The following POU6F2 variants were observed in gnomAD, a reference collection of about 807,000 sequenced individuals.
POU6F2 encodes POU class 6 homeobox 2.
POU6F2 carries 31 observed loss-of-function variants against 71.3 expected under a neutral mutation model. The observed-to-expected ratio is 0.43, with a 90% CI of 0.33 to 0.59. The LOEUF is 0.59. Ranked by LOEUF, POU6F2 falls within the 20% of genes least tolerant of loss-of-function variation. The pLI is 0.04. For missense variants in POU6F2, 783 were observed against 856.8 expected (o/e 0.91, Z 1.07); for synonymous variants, 347 against 355.7 (o/e 0.98, Z 0.27).
intron 6 of POU6F2, among the ~76,000 whole-genome samples, chr7:39,414,723 A>G (rs1386204143): frequency 2.2e-5 from 1 of 45,958 alleles, no homozygotes; most frequent in Admixed American, 2.8e-4. Flanking sequence ...CCCCCCCACC[A>G]CATTTCTGAA....
chr7:39,199,052 C>T (rs1793842551), intron 2 of POU6F2, among the ~76,000 whole-genome samples: 1 of 152,168 alleles, frequency 6.6e-6, no homozygotes, highest in South Asian at 2.1e-4. Flanking sequence ...CTGTGACCTT[C>T]ATGTGATTAT....
intron 7 of POU6F2, among the ~76,000 whole-genome samples, chr7:39,437,797 G>T (rs576271726): frequency 2.0e-5 from 3 of 152,172 alleles, no homozygotes; most frequent in Admixed American, 2.0e-4. Context: ...CCTTAGCTGT[G>T]TCCCAGAGAT....
intron 2 of POU6F2, among the ~76,000 whole-genome samples, chr7:39,137,592 G>T (rs1792412694): frequency 2.6e-5 from 4 of 152,134 alleles, no homozygotes; most frequent in Non-Finnish European, 5.9e-5. Flanking sequence ...TAGTTAAAGA[G>T]CTTTCAACTT....
chr7:39,089,162 C>T (rs1189648331), intron 2 of POU6F2, among the ~76,000 whole-genome samples: 1 of 152,188 alleles, frequency 6.6e-6, no homozygotes, highest in Non-Finnish European at 1.5e-5. Flanking sequence ...TTAACTTGAA[C>T]AGCCATGGAA....
Position 39,406,852 on chromosome 7 carries a change from AAAT to A in POU6F2, c.1113+116_1113+118del. Reference sequence around the variant, plus strand: ...GTAACCGCATCTATTCGAGGCAAATAAATAATGTTTACTAGCAATGTCAAGAAT... The same window carrying A: ...GTAACCGCATCTATTCGAGGCAAATAAATGTTTACTAGCAATGTCAAGAAT... On this transcript the variant is annotated intron_variant, in intron 6 of 9. Coordinates refer to ENST00000518318, the MANE Select transcript of POU6F2 (RefSeq NM_001370959.1). 4 of 1,399,830 alleles carry A rather than the reference AAAT, an allele frequency of 2.9e-6. No individual in the cohort carries two copies. The Admixed American group carries it at 5.2e-5, about 18-fold the overall frequency. 86.7% of individuals were successfully genotyped at this position (1,399,830 alleles called of 1,614,324 possible).
intron 2 of POU6F2, among the ~76,000 whole-genome samples, chr7:39,133,853 A>G (rs1333959297): frequency 1.3e-5 from 2 of 152,070 alleles, no homozygotes; most frequent in Non-Finnish European, 2.9e-5. Flanking sequence ...CTCAATAAAT[A>G]CCTTAGAAAT....
Position 39,086,018 on chromosome 7 carries a change from C to G in POU6F2, c.264C>G (p.Pro88=). 6.2e-7 allele frequency: 1 copy of G among 1,613,584 alleles called. No homozygotes were observed. The highest frequency in any genetic ancestry group is 8.5e-7 in the Non-Finnish European group (1 of 1,179,708). ...AATCAAATGACAGCGAGGACACTCC[C>G]AGCAAGCTCTTCGGTAAGTCTGTCT... ...PVESNDSEDT[P]SKLFGARGNP... is the part of the protein sequence containing the mutation. The change falls in exon 2 of 10, where the codon CCC becomes CCG. Residue 88 remains proline, a synonymous_variant. Transcript: ENST00000518318.
At chr7:39,291,078 G>T (rs1018337627) in intron 4 of POU6F2, among the ~76,000 whole-genome samples, 2 of 150,690 alleles carry the variant, frequency 1.3e-5, no homozygotes, top group Non-Finnish European at 1.5e-5. Flanking sequence ...ATTGCTTAAG[G>T]TTTAAACTTT....
At chr7:39,099,082 G>T (rs1196459739) in intron 2 of POU6F2, among the ~76,000 whole-genome samples, 5 of 152,106 alleles carry the variant, frequency 3.3e-5, no homozygotes, top group Middle Eastern at 3.2e-3. Flanking sequence ...ATAAATGGAG[G>T]TTCTACAGGG....
chr7:39,102,828 C>T (rs1268043281), intron 2 of POU6F2, among the ~76,000 whole-genome samples: 3 of 152,170 alleles, frequency 2.0e-5, no homozygotes, highest in African/African-American at 4.8e-5. Context: ...ATGGTACAGC[C>T]TGTTGCTCCT....
At chr7:39,119,081 T>C (rs1386683921) in intron 2 of POU6F2, among the ~76,000 whole-genome samples, 2 of 152,050 alleles carry the variant, frequency 1.3e-5, no homozygotes, top group African/African-American at 4.8e-5. Context: ...AATGAGAGGA[T>C]AAACCAAGAA....
intron 1 of POU6F2, among the ~76,000 whole-genome samples, chr7:39,028,904 A>G (rs1246027106): frequency 6.6e-6 from 1 of 152,114 alleles, no homozygotes; most frequent in Non-Finnish European, 1.5e-5. Flanking sequence ...TCCCAGGCTC[A>G]AGCAATCCTC....
At chr7:39,237,017 A>T (rs146421529) in intron 4 of POU6F2, among the ~76,000 whole-genome samples, 196 of 152,296 alleles carry the variant, frequency 1.3e-3, no homozygotes, top group Admixed American at 4.1e-3. Flanking sequence ...AAATCAGGGT[A>T]TTGGGAATCC....
intron 2 of POU6F2, among the ~76,000 whole-genome samples, chr7:39,133,009 A>G (rs559985135): frequency 6.6e-6 from 1 of 152,340 alleles, no homozygotes; most frequent in African/African-American, 2.4e-5. Context: ...AGTCCTGTAG[A>G]TTCTTGTGGA....
At chr7:39,336,960 C>T (rs1785790583) in intron 4 of POU6F2, among the ~76,000 whole-genome samples, 1 of 152,210 alleles carries the variant, frequency 6.6e-6, no homozygotes, top group African/African-American at 2.4e-5. Context: ...GAATCTTCCA[C>T]AGACTTGCTT....
At chr7:39,304,225 T>C (rs554862944) in intron 4 of POU6F2, among the ~76,000 whole-genome samples, 33 of 152,164 alleles carry the variant, frequency 2.2e-4, no homozygotes, top group African/African-American at 7.9e-4. Flanking sequence ...CTTTAATATA[T>C]AAAGAAATCA....
At chr7:39,098,732 G>A (rs911578013) in intron 2 of POU6F2, among the ~76,000 whole-genome samples, 6 of 152,228 alleles carry the variant, frequency 3.9e-5, no homozygotes, top group East Asian at 1.9e-4. Flanking sequence ...TTGCTGGTAC[G>A]CCACAGGGCA....
chr7:39,192,269 A>G (rs1793685187), intron 2 of POU6F2, among the ~76,000 whole-genome samples: 1 of 152,180 alleles, frequency 6.6e-6, no homozygotes, highest in Admixed American at 6.5e-5. Flanking sequence ...TGCACACAAG[A>G]GTGGATTGCA....
chr7:39,170,498 C>G (rs1793197475), intron 2 of POU6F2, among the ~76,000 whole-genome samples: 1 of 151,980 alleles, frequency 6.6e-6, no homozygotes, highest in African/African-American at 2.4e-5. Context: ...TGCAGTATTG[C>G]AATATCATTA....
Sources: gnomAD v4.1 joint callset for allele counts (sites outside exome capture counted in the v4.1 genomes callset) on GRCh38, gnomAD v4.1.1 for gene constraint, MANE v1.5 for transcripts, NCBI Gene and HGNC (gene_info 2026-07-23, HGNC 2026-07-21) for gene names.